Variants in APOBEC3H observed in about 807,000 individuals in gnomAD.
APOBEC3H encodes the protein apolipoprotein B mRNA editing enzyme catalytic subunit 3H, also known as DNA dC->dU-editing enzyme APOBEC-3H.
In APOBEC3H, 8 loss-of-function variants were observed where a neutral mutation model predicts 21.2. The observed-to-expected ratio is 0.38, with a 90% CI of 0.22 to 0.68. APOBEC3H has a LOEUF of 0.68. Ranked by LOEUF, APOBEC3H falls within the 30% of genes least tolerant of loss-of-function variation. The pLI, the probability that APOBEC3H is intolerant of heterozygous loss-of-function variation, is 0.52. For synonymous variants in APOBEC3H, 88 were observed against 91.0 expected (o/e 0.97, Z 0.19); for missense variants, 229 against 228.1 (o/e 1.00, Z -0.03).
At chr22:39,098,170 C>A (rs1465312012) in intron 1 of APOBEC3H, among the ~76,000 whole-genome samples, 1 of 152,244 alleles carries the variant, frequency 6.6e-6, no homozygotes, top group Non-Finnish European at 1.5e-5. Flanking sequence ...GGCAGCCTCA[C>A]GTGAGCTCAG....
intron 1 of APOBEC3H, among the ~76,000 whole-genome samples, chr22:39,099,112 T>G (rs532244946): frequency 1.3e-5 from 2 of 152,190 alleles, no homozygotes; most frequent in Admixed American, 1.3e-4. Flanking sequence ...GGAGAATTGC[T>G]TGAACCCGGG....
intron 1 of APOBEC3H, among the ~76,000 whole-genome samples, chr22:39,098,807 G>C (rs1368266865): frequency 6.6e-6 from 1 of 152,134 alleles, no homozygotes; most frequent in African/African-American, 2.4e-5. Flanking sequence ...GGGTTTTCCA[G>C]AAAGCAGAAT....
chr22:39,100,682 G>T, intron 2 of APOBEC3H: 1 of 499,002 alleles, frequency 2.0e-6, no homozygotes. Context: ...TGCTCCTTCT[G>T]CCCCTCTCAT....
intron 1 of APOBEC3H, among the ~76,000 whole-genome samples, chr22:39,099,153 G>A (rs529617220): frequency 6.6e-6 from 1 of 152,130 alleles, no homozygotes; most frequent in Non-Finnish European, 1.5e-5. Flanking sequence ...GGTGGAGCTT[G>A]CAGTGAGCTG....
At chr22:39,102,912 G>A (rs1224101532) in intron 4 of APOBEC3H, among the ~76,000 whole-genome samples, 1 of 144,050 alleles carries the variant, frequency 6.9e-6, no homozygotes, top group Non-Finnish European at 1.5e-5. Context: ...GCAGTGAGCC[G>A]AGATCATGCC....
Position 39,103,684 on chromosome 22 carries a change from C to T in APOBEC3H, c.544-5C>T, listed in dbSNP as rs1224613279. On this transcript the variant is annotated splice_polypyrimidine_tract_variant and splice_region_variant and intron_variant, in intron 4 of 4. Transcript: ENST00000442487. The stretch of plus-strand genomic sequence containing the variant: ...TACCTCCTAACTTCTCTCTTTCCCT[C>T]TCAGCAGTCCTGAAGTGTGGATGTT... 2 of 1,613,978 alleles carry T rather than the reference C, an allele frequency of 1.2e-6. No homozygotes were observed. The highest frequency in any genetic ancestry group is 1.7e-5 in the Admixed American group (1 of 60,006).
At chr22:39,101,091 C>A in intron 2 of APOBEC3H, 146 bp from the exon 3 acceptor site, 1 of 760,636 alleles carries the variant, frequency 1.3e-6, no homozygotes, top group Non-Finnish European at 2.1e-6. Flanking sequence ...TTGCCCTGCA[C>A]TAGGCCAGGC....
In APOBEC3H at chr22:39,100,383, G is replaced by A. The variant is rs369126907; in HGVS notation, c.105G>A (p.Thr35=). ...PRKALLCYQL[T]PQNGSTPTRG... is the part of the protein sequence containing the mutation. ...AGGCCCTCTTGTGTTACCAGCTGAC[G>A]CCGCAGAATGGCTCCACGCCCACGA... The change falls in exon 2 of 5, where the codon ACG becomes ACA. Residue 35 remains threonine (T), a synonymous_variant. Coordinates refer to ENST00000442487, the MANE Select transcript of APOBEC3H (RefSeq NM_181773.5). The A allele has an allele frequency of 1.1e-5, 17 of 1,614,026 alleles. No homozygotes were observed. The highest frequency in any genetic ancestry group is 8.9e-5 in the East Asian group (4 of 44,890).
At position 39,101,990 on chromosome 22, in the gene APOBEC3H, A is replaced by G. The variant is rs749706470; in HGVS notation, c.491A>G (p.Glu164Gly). ...PLSFNPYKML[E>G]ELDKNSRAIK... The stretch of plus-strand genomic sequence containing the variant: ...TCCTTCAACCCCTATAAGATGTTAG[A>G]GGAGCTAGATAAAAACAGTCGAGCC... The change falls in exon 4 of 5, where the codon GAG (glutamate) becomes GGG (glycine). Residue 164 changes from glutamate (E) to glycine (G), a missense_variant. Glu to Gly is a moderately conservative substitution (Grantham distance 98, BLOSUM62 -2). Coordinates refer to ENST00000442487, the MANE Select transcript of APOBEC3H (RefSeq NM_181773.5). 1.9e-6 allele frequency: 3 copies of G among 1,613,658 alleles called. No individual in the cohort carries two copies. The highest frequency in any genetic ancestry group is 1.3e-5 in the African/African-American group (1 of 74,862).
At chr22:39,097,417 C>A in intron 1 of APOBEC3H, 74 bp downstream of exon 1, 1 of 154,182 alleles carries the variant, frequency 6.5e-6, no homozygotes. Context: ...TGCCTCAGCC[C>A]TGGCCTCCCG....
In APOBEC3H at chr22:39,104,008, G is replaced by A; in HGVS notation, c.*311G>A. The A allele has an allele frequency of 2.2e-6, 1 of 452,442 alleles. No homozygotes were observed. Among genetic ancestry groups the A allele is most frequent in the Non-Finnish European group, 4.0e-6 (1 of 251,090 alleles). 28.0% of individuals were successfully genotyped at this position (452,442 alleles called of 1,614,324 possible). A position where few individuals can be genotyped will look rare whatever the true frequency, so the allele number is the denominator to read the frequency against. On this transcript the variant is annotated 3_prime_UTR_variant, in exon 5 of 5. Coordinates refer to ENST00000442487, the MANE Select transcript of APOBEC3H (RefSeq NM_181773.5). ...CAGCCGGGTACGGTGGCTCACGCCT[G>A]TAATCCTAGCACTTTGGGAGGCTGA...
At position 39,104,054 on chromosome 22, in the gene APOBEC3H, C is replaced by A; in HGVS notation, c.*357C>A. 1 of 333,130 alleles carries A rather than the reference C, an allele frequency of 3.0e-6. No individual in the cohort carries two copies. Among genetic ancestry groups the A allele is most frequent in the Non-Finnish European group, 5.6e-6 (1 of 178,646 alleles). 20.6% of individuals were successfully genotyped at this position (333,130 alleles called of 1,614,324 possible). On this transcript the variant is annotated 3_prime_UTR_variant, in exon 5 of 5. Coordinates refer to ENST00000442487, the MANE Select transcript of APOBEC3H (RefSeq NM_181773.5). ...GCTGAGATGCTCGGCCAATAAATTT[C>A]TATTGTTTATGAATCACCCAGTCTG...
chr22:39,103,755 T>A lies in APOBEC3H; in HGVS notation c.*58T>A. ...TTTGCAGCTTGGACCCGTATCCCAC[T>A]CATTATCAAGAAGCAACTCAAGATG... On this transcript the variant is annotated 3_prime_UTR_variant, in exon 5 of 5. Coordinates refer to ENST00000442487, the MANE Select transcript of APOBEC3H (RefSeq NM_181773.5). 6.2e-7 allele frequency: 1 copy of A among 1,603,588 alleles called. No individual in the cohort carries two copies. The highest frequency in any genetic ancestry group is 8.5e-7 in the Non-Finnish European group (1 of 1,170,382).
rs1031294874 is a variant in APOBEC3H, at chr22:39,101,489, G to A, written c.403G>A (p.Val135Ile). 6.2e-7 allele frequency: 1 copy of A among 1,606,880 alleles called. No individual in the cohort carries two copies. The highest frequency in any genetic ancestry group is 8.5e-7 in the Non-Finnish European group (1 of 1,177,950). The part of the protein sequence containing the change: ...LLCGSQVPVE[V>I]MGFPEFADCW... Reference sequence around the variant, plus strand: ...GTGTGGATCCCAGGTCCCGGTGGAGGTCATGGGCTTCCCAGGTAGGAAAGA... The same window carrying A: ...GTGTGGATCCCAGGTCCCGGTGGAGATCATGGGCTTCCCAGGTAGGAAAGA... Residue 135 changes from valine to isoleucine, a missense_variant, in exon 3 of 5, where the codon GTC (valine) becomes ATC (isoleucine). Coordinates refer to ENST00000442487, the MANE Select transcript of APOBEC3H (RefSeq NM_181773.5).
chr22:39,101,973 C>T lies in APOBEC3H; in HGVS notation c.474C>T (p.Asn158=), dbSNP rs370372911. 114 of 1,613,696 alleles carry T rather than the reference C, an allele frequency of 7.1e-5. No homozygotes were observed. The highest frequency in any genetic ancestry group is 8.8e-5 in the Non-Finnish European group (104 of 1,179,954). Residue 158 remains asparagine, a synonymous_variant, in exon 4 of 5, where the codon AAC becomes AAT. Coordinates refer to ENST00000442487, the MANE Select transcript of APOBEC3H (RefSeq NM_181773.5). ...ACCACGAGAAACCGCTTTCCTTCAA[C>T]CCCTATAAGATGTTAGAGGAGCTAG... The part of the protein sequence containing the change: ...FVDHEKPLSF[N]PYKMLEELDK...
chr22:39,098,901 G>T (rs74951861), intron 1 of APOBEC3H, among the ~76,000 whole-genome samples: 1 of 152,102 alleles, frequency 6.6e-6, no homozygotes, highest in East Asian at 1.9e-4. Context: ...GAGCGCATGG[G>T]TCACAATCCT....
At chr22:39,099,297 C>T (rs1251023851) in intron 1 of APOBEC3H, among the ~76,000 whole-genome samples, 1 of 152,202 alleles carries the variant, frequency 6.6e-6, no homozygotes, top group African/African-American at 2.4e-5. Flanking sequence ...TATGTAATTT[C>T]TTCAGCCAAA....
chr22:39,101,793 G>A, intron 3 of APOBEC3H, 125 bp from the exon 4 acceptor site: 1 of 1,470,710 alleles, frequency 6.8e-7, no homozygotes, highest in Non-Finnish European at 9.4e-7. Flanking sequence ...CCACCCGGGA[G>A]GGAGAATTCC....
intron 2 of APOBEC3H, among the ~76,000 whole-genome samples, chr22:39,100,796 A>G (rs1380951673): frequency 6.6e-6 from 1 of 151,770 alleles, no homozygotes; most frequent in African/African-American, 2.4e-5. Flanking sequence ...TCTCCGCTCT[A>G]TTGCCAGCCC....
Sources: gnomAD v4.1 joint callset for allele counts (sites outside exome capture counted in the v4.1 genomes callset) on GRCh38, gnomAD v4.1.1 for gene constraint, MANE v1.5 for transcripts, NCBI Gene and HGNC (gene_info 2026-07-23, HGNC 2026-07-21) for gene names.